The following LRRC53 variants were observed in gnomAD, a reference collection of about 807,000 sequenced individuals.
LRRC53 encodes the protein leucine rich repeat containing 53, also known as leucine-rich repeat-containing protein 53.
Under a neutral mutation model 13.6 loss-of-function variants are expected in LRRC53, and 25 were observed. That is an observed-to-expected ratio of 1.83 (90% CI 1.34 to 2.56). LRRC53 has a LOEUF of 2.56. Ranked by LOEUF, LRRC53 falls within the 30% of genes most tolerant of loss-of-function variation. The probability of loss-of-function intolerance (pLI) is 0.00; values close to 1 mark genes in which losing one functional copy is unlikely to be tolerated. For synonymous variants in LRRC53, 204 were observed against 109.8 expected, an observed-to-expected ratio of 1.86 and a Z score of -5.37; for missense variants, 527 against 275.8, an observed-to-expected ratio of 1.91 and a Z score of -6.45.
chr1:74,502,381 C>T (rs1408575699), intron 1 of LRRC53, among the ~76,000 whole-genome samples: 1 of 152,118 alleles, frequency 6.6e-6, no homozygotes, highest in Non-Finnish European at 1.5e-5. Context: ...TGAAGTATGC[C>T]TCATGGTTTC....
At chr1:74,504,291 C>T (rs1280682287) in intron 1 of LRRC53, among the ~76,000 whole-genome samples, 2 of 152,116 alleles carry the variant, frequency 1.3e-5, no homozygotes, top group Admixed American at 1.3e-4. Flanking sequence ...ACCATGTTAG[C>T]TGCTTGTTTT....
intron 1 of LRRC53, among the ~76,000 whole-genome samples, chr1:74,499,538 ATATAGG>A (rs1406179309): frequency 6.6e-6 from 1 of 152,166 alleles, no homozygotes; most frequent in Non-Finnish European, 1.5e-5. Flanking sequence ...TATCATAGGA[ATATAGG>A]TATAAGAAAA....
At chr1:74,533,177 G>A in the LRRC53 span, among the ~76,000 whole-genome samples, 4 of 152,040 alleles carry the variant, frequency 2.6e-5, no homozygotes, top group East Asian at 3.9e-4. Context: ...CTGACAAAGG[G>A]CTAATATCCA....
chr1:74,533,938 G>C, the LRRC53 span, among the ~76,000 whole-genome samples: 13 of 152,142 alleles, frequency 8.5e-5, no homozygotes, highest in African/African-American at 3.1e-4. Context: ...AAAAACTTTT[G>C]TTCAAGTTCA....
chr1:74,518,530 C>G, the LRRC53 span, among the ~76,000 whole-genome samples: 7 of 152,080 alleles, frequency 4.6e-5, no homozygotes, highest in Non-Finnish European at 8.8e-5. Flanking sequence ...TAGGGTGGCT[C>G]TATGGTTCCC....
the LRRC53 span, among the ~76,000 whole-genome samples, chr1:74,533,511 T>G: frequency 1.3e-5 from 2 of 152,140 alleles, no homozygotes; most frequent in African/African-American, 4.8e-5. Context: ...TGGTGATTCC[T>G]CAGGGATCTA....
the LRRC53 span, among the ~76,000 whole-genome samples, chr1:74,534,956 TG>T: frequency 1.8e-4 from 28 of 152,300 alleles, no homozygotes; most frequent in African/African-American, 6.5e-4. Flanking sequence ...TCAAATGAAA[TG>T]TATTTAGACA....
chr1:74,531,581 G>A, the LRRC53 span, among the ~76,000 whole-genome samples: 1 of 152,142 alleles, frequency 6.6e-6, no homozygotes, highest in Non-Finnish European at 1.5e-5. Context: ...CCAAAAGGAT[G>A]AGCCAGATGA....
chr1:74,528,777 G>A, the LRRC53 span, among the ~76,000 whole-genome samples: 13 of 152,270 alleles, frequency 8.5e-5, no homozygotes, highest in African/African-American at 2.9e-4. Flanking sequence ...CACCTGGGAG[G>A]AGCGGCACTT....
chr1:74,498,129 A>G (rs753375182), intron 1 of LRRC53, among the ~76,000 whole-genome samples: 2 of 152,254 alleles, frequency 1.3e-5, no homozygotes, highest in Admixed American at 6.5e-5. Context: ...ACAAAATGAC[A>G]ATAGCATTCT....
upstream of LRRC53, among the ~76,000 whole-genome samples, chr1:74,514,472 C>T (rs989507574): frequency 6.6e-5 from 10 of 152,192 alleles, no homozygotes; most frequent in Non-Finnish European, 8.8e-5. Flanking sequence ...TACTATCTAA[C>T]AATTATTCAC....
At chr1:74,478,869 T>C (rs1452214346) in intron 3 of LRRC53, among the ~76,000 whole-genome samples, 1 of 152,196 alleles carries the variant, frequency 6.6e-6, no homozygotes, top group Non-Finnish European at 1.5e-5. Context: ...TATGGTAAAT[T>C]ATTTCTTAGC....
chr1:74,489,496 G>T (rs1225228976), intron 1 of LRRC53, among the ~76,000 whole-genome samples: 1 of 152,152 alleles, frequency 6.6e-6, no homozygotes, highest in Non-Finnish European at 1.5e-5. Context: ...ACACAGTCAT[G>T]CTCAGCTTAA....
chr1:74,502,226 G>A (rs1470430176), intron 1 of LRRC53, among the ~76,000 whole-genome samples: 1 of 152,046 alleles, frequency 6.6e-6, no homozygotes. Flanking sequence ...ACATCATGCA[G>A]GCATAAAATG....
chr1:74,530,986 T>C, the LRRC53 span, among the ~76,000 whole-genome samples: 24 of 152,220 alleles, frequency 1.6e-4, no homozygotes, highest in Non-Finnish European at 3.4e-4. Context: ...GCATTTTTCC[T>C]TATTCATAAT....
intron 2 of LRRC53, among the ~76,000 whole-genome samples, chr1:74,481,649 A>T (rs769385475): frequency 6.6e-6 from 1 of 152,230 alleles, no homozygotes; most frequent in Non-Finnish European, 1.5e-5. Context: ...TCATGTGATG[A>T]CAGGTGGTAC....
At position 74,499,578 on chromosome 1, in the gene LRRC53, G is replaced by C. The variant is rs566763413; in HGVS notation, c.-27+12948C>G. Among the ~76,000 whole-genome samples the C allele has an allele frequency of 6.6e-5, 10 of 152,246 alleles. 1 individual carries two copies. Among genetic ancestry groups the C allele is most frequent in the African/African-American group, 2.4e-4 (10 of 41,544 alleles). ...AATATTATACTGTATATTGGATTCAGTAATATCTCCAGTTTCAGGCATCCA... is the reference window on the plus strand; with the variant it reads ...AATATTATACTGTATATTGGATTCACTAATATCTCCAGTTTCAGGCATCCA... On this transcript the variant is annotated intron_variant, in intron 1 of 4. Coordinates refer to ENST00000294635, the MANE Select transcript of LRRC53 (RefSeq NM_001382280.1).
chr1:74,471,601 A>C lies in LRRC53; in HGVS notation c.2021T>G (p.Leu674Trp). The change falls in exon 5 of 5, where the codon TTG becomes TGG. Residue 674 changes from leucine to tryptophan, a missense_variant. Coordinates refer to ENST00000294635, the MANE Select transcript of LRRC53 (RefSeq NM_001382280.1). The part of the protein sequence containing the change: ...QKNQSNQLTK[L>W]DVKKFSNTGE... ...AGTGTTGCTAAATTTTTTAACATCC[A>C]ACTTAGTCAGTTGGTTACTTTGATT... 1 of 400,760 alleles carries C rather than the reference A, an allele frequency of 2.5e-6. No homozygotes were observed. The highest frequency in any genetic ancestry group is 4.4e-6 in the Non-Finnish European group (1 of 226,272). 24.8% of individuals were successfully genotyped at this position (400,760 alleles called of 1,614,324 possible). A position where few individuals can be genotyped will look rare whatever the true frequency, so the allele number is the denominator to read the frequency against.
chr1:74,520,955 T>C, the LRRC53 span, among the ~76,000 whole-genome samples: 7 of 152,026 alleles, frequency 4.6e-5, no homozygotes, highest in African/African-American at 1.4e-4. Context: ...GAAGGGAAGA[T>C]TGAATAGTCC....
Sources: gnomAD v4.1 joint callset for allele counts (sites outside exome capture counted in the v4.1 genomes callset) on GRCh38, gnomAD v4.1.1 for gene constraint, MANE v1.5 for transcripts, NCBI Gene and HGNC (gene_info 2026-07-23, HGNC 2026-07-21) for gene names.